The following KALRN variants were observed in gnomAD, a reference collection of about 807,000 sequenced individuals.
KALRN encodes kalirin RhoGEF kinase, also known as kalirin.
A neutral mutation model predicts 353.7 loss-of-function variants in KALRN; 70 were observed. That is an observed-to-expected ratio of 0.20 (90% CI 0.16 to 0.24). The LOEUF is 0.24. Among genes scored for constraint, KALRN ranks in the 10% least tolerant of loss-of-function variants. The pLI is 1.00. For missense variants in KALRN, 2,791 were observed against 3,756.7 expected (o/e 0.74, Z 6.72); for synonymous variants, 1,391 against 1,434.8 (o/e 0.97, Z 0.69).
At chr3:124,116,066 C>T (rs141983392) in intron 1 of KALRN, among the ~76,000 whole-genome samples, 32 of 152,228 alleles carry the variant, frequency 2.1e-4, no homozygotes, top group African/African-American at 7.0e-4. Flanking sequence ...TTAGAATATC[C>T]GTATGGTACT....
At position 124,699,978 on chromosome 3, in the gene KALRN, C is replaced by G. The variant is rs750693702; in HGVS notation, c.7941C>G (p.Pro2647=). Reference sequence around the variant, plus strand: ...AGTTCAGAGTCAGTGCCAGTAACCCCTGGGGAATCAGCCTTCCCAGCGAGC... The same window carrying G: ...AGTTCAGAGTCAGTGCCAGTAACCCGTGGGGAATCAGCCTTCCCAGCGAGC... ...PYQFRVSASN[P]WGISLPSEPS... is the part of the protein sequence containing the mutation. Residue 2647 remains proline (P), a synonymous_variant, in exon 56 of 60, where the codon CCC becomes CCG. Coordinates refer to ENST00000682506, the MANE Select transcript of KALRN (RefSeq NM_001388419.1). 6.2e-7 allele frequency: 1 copy of G among 1,614,136 alleles called. No homozygotes were observed.
chr3:124,337,891 C>T (rs1695284989), intron 9 of KALRN, among the ~76,000 whole-genome samples: 1 of 152,094 alleles, frequency 6.6e-6, no homozygotes, highest in South Asian at 2.1e-4. Flanking sequence ...AGGAATTTAT[C>T]CATTTCTTCT....
chr3:124,249,923 G>A (rs974232091), intron 3 of KALRN, among the ~76,000 whole-genome samples: 1 of 152,176 alleles, frequency 6.6e-6, no homozygotes, highest in South Asian at 2.1e-4. Flanking sequence ...AAACCATGGG[G>A]ATCTCATCAG....
At chr3:124,270,105 C>T (rs528857650) in intron 5 of KALRN, among the ~76,000 whole-genome samples, 1 of 152,212 alleles carries the variant, frequency 6.6e-6, no homozygotes, top group East Asian at 1.9e-4. Flanking sequence ...TCTCTTTAAG[C>T]TAAAGAGAAG....
chr3:124,596,585 G>A (rs2076290180), intron 34 of KALRN, among the ~76,000 whole-genome samples: 1 of 152,178 alleles, frequency 6.6e-6, no homozygotes, highest in Admixed American at 6.5e-5. Flanking sequence ...GAAATCTGGT[G>A]TGTAATTTAA....
chr3:124,623,373 G>GATATATAT (rs72497673), intron 34 of KALRN, among the ~76,000 whole-genome samples: 4 of 144,892 alleles, frequency 2.8e-5, no homozygotes, highest in Non-Finnish European at 4.5e-5. Context: ...ACTAATAGGA[G>GATATATAT]ATATATATAT....
intron 27 of KALRN, among the ~76,000 whole-genome samples, chr3:124,478,400 A>T (rs2061634434): frequency 6.6e-6 from 1 of 152,218 alleles, no homozygotes; most frequent in African/African-American, 2.4e-5. Flanking sequence ...TGCAAAAGAA[A>T]CCTTCCCTGA....
intron 32 of KALRN, among the ~76,000 whole-genome samples, chr3:124,495,802 A>T (rs1460787872): frequency 4.7e-5 from 7 of 147,680 alleles, no homozygotes; most frequent in African/African-American, 1.7e-4. Context: ...GCTGTAAATG[A>T]ACCCTCATCT....
chr3:124,461,773 G>A (rs1218084512), intron 23 of KALRN, 117 bp from the exon 24 acceptor site: 11 of 718,304 alleles, frequency 1.5e-5, no homozygotes, highest in Non-Finnish European at 2.4e-5. Context: ...ACCTGTTGAT[G>A]AAGTAGAAAA....
intron 6 of KALRN, among the ~76,000 whole-genome samples, chr3:124,314,771 C>T (rs1333722368): frequency 6.6e-6 from 1 of 152,208 alleles, no homozygotes; most frequent in Admixed American, 6.5e-5. Flanking sequence ...GTCCTCCTGC[C>T]TCAGCCTCTC....
intron 3 of KALRN, among the ~76,000 whole-genome samples, chr3:124,262,757 G>A (rs2073048664): frequency 6.6e-6 from 1 of 152,086 alleles, no homozygotes; most frequent in East Asian, 1.9e-4. Flanking sequence ...CCCCCAAAAA[G>A]GTTTTTATTT....
intron 1 of KALRN, among the ~76,000 whole-genome samples, chr3:124,077,160 G>A (rs2060297662): frequency 2.0e-5 from 3 of 152,248 alleles, no homozygotes; most frequent in Admixed American, 2.0e-4. Context: ...TTTGGGACCA[G>A]ACATTGTCTG....
intron 3 of KALRN, among the ~76,000 whole-genome samples, chr3:124,250,706 C>A (rs953110836): frequency 1.3e-5 from 2 of 152,068 alleles, no homozygotes; most frequent in African/African-American, 4.8e-5. Context: ...GTAGAGAAGG[C>A]CAGAAGAGAG....
chr3:124,143,797 C>G (rs1177092660), intron 1 of KALRN, among the ~76,000 whole-genome samples: 1 of 152,118 alleles, frequency 6.6e-6, no homozygotes, highest in African/African-American at 2.4e-5. Context: ...TAAAAAGGCT[C>G]TAATGTATAT....
At chr3:124,462,444 G>A (rs1191209904) in intron 24 of KALRN, 80 bp from the exon 25 acceptor site, 4 of 791,220 alleles carry the variant, frequency 5.1e-6, no homozygotes, top group Non-Finnish European at 8.7e-6. Flanking sequence ...TGCCCCACAA[G>A]TTTGAGCACC....
At chr3:124,095,030 A>G in intron 1 of KALRN, 1 of 899,346 alleles carries the variant, frequency 1.1e-6, no homozygotes, top group Non-Finnish European at 1.8e-6. Flanking sequence ...AGAAGGAATG[A>G]AACAGAGGCA....
In KALRN at chr3:124,488,066, C is replaced by A. The variant is rs1016791152; in HGVS notation, c.4285-138C>A. 3 of 570,386 alleles carry A rather than the reference C, an allele frequency of 5.3e-6. No individual in the cohort carries two copies. In the Admixed American group the frequency reaches 9.2e-5, roughly 18 times the overall value. The allele number at this position is 570,386 out of a possible 1,614,324, so 35.3% of individuals were successfully genotyped here. On this transcript the variant is annotated intron_variant, in intron 28 of 59. Coordinates refer to ENST00000682506, the MANE Select transcript of KALRN (RefSeq NM_001388419.1). ...GAATTCTTAGAGATAACCCCTTTTA[C>A]CCCACCTCACTTTCTTTATAGCTCA...
intron 1 of KALRN, among the ~76,000 whole-genome samples, chr3:124,062,649 T>G (rs149949457): frequency 6.6e-6 from 1 of 152,234 alleles, no homozygotes; most frequent in Admixed American, 6.5e-5. Context: ...TTTTCTTCTC[T>G]CATCACTTTC....
rs533116522 is a variant in KALRN, at chr3:124,708,439, T to C, written c.8076-4496T>C. Among the ~76,000 whole-genome samples the C allele has an allele frequency of 1.7e-4, 26 of 152,238 alleles. 1 individual carries two copies. The Middle Eastern group carries it at 0.031, about 179-fold the overall frequency. On this transcript the variant is annotated intron_variant, in intron 57 of 59. Transcript: ENST00000682506. ...GAAGTTATTGACAGAGAAATAGAAA[T>C]GATTTTTAAATTTAAATTGCATAAC...
Sources: gnomAD v4.1 joint callset for allele counts (sites outside exome capture counted in the v4.1 genomes callset) on GRCh38, gnomAD v4.1.1 for gene constraint, MANE v1.5 for transcripts, NCBI Gene and HGNC (gene_info 2026-07-23, HGNC 2026-07-21) for gene names.